Variants in UBE2E2 observed in about 807,000 individuals in gnomAD.
The protein encoded by UBE2E2 is ubiquitin-conjugating enzyme E2 E2.
UBE2E2 carries 6 observed loss-of-function variants against 24.7 expected under a neutral mutation model. That is an observed-to-expected ratio of 0.24 (90% CI 0.13 to 0.48). UBE2E2 has a LOEUF of 0.48. Ranked by LOEUF, UBE2E2 falls within the 20% of genes least tolerant of loss-of-function variation. The pLI is 0.99. For missense variants in UBE2E2, 169 were observed against 245.0 expected, an observed-to-expected ratio of 0.69 and a Z score of 2.07; for synonymous variants, 104 against 83.6, an observed-to-expected ratio of 1.24 and a Z score of -1.33.
chr3:23,443,027 A>G (rs1698341726), intron 3 of UBE2E2, among the ~76,000 whole-genome samples: 1 of 152,172 alleles, frequency 6.6e-6, no homozygotes, highest in South Asian at 2.1e-4. Flanking sequence ...CACAATAACA[A>G]CAGTACTTTC....
intron 3 of UBE2E2, among the ~76,000 whole-genome samples, chr3:23,466,584 T>A (rs2125430027): frequency 6.6e-6 from 1 of 152,242 alleles, no homozygotes; most frequent in East Asian, 1.9e-4. Flanking sequence ...TTTTTTGTTT[T>A]TGAGACAGAG....
chr3:23,399,598 AT>A (rs1376437828), intron 3 of UBE2E2, among the ~76,000 whole-genome samples: 1 of 152,174 alleles, frequency 6.6e-6, no homozygotes, highest in Non-Finnish European at 1.5e-5. Context: ...TATTTCTGGA[AT>A]TTTTCATTTA....
At position 23,506,638 on chromosome 3, in the gene UBE2E2, G is replaced by T. The variant is rs1423055100; in HGVS notation, c.360+6898G>T. On this transcript the variant is annotated intron_variant, in intron 4 of 5. Transcript: ENST00000396703. ...TGGTTCCACCCTTGTCCCTTCAACA[G>T]TACACCCCATATGCTGAAAGATTCC... Among the ~76,000 whole-genome samples, 3 of 152,166 alleles carry T rather than the reference G, an allele frequency of 2.0e-5. No homozygotes were observed. The South Asian group carries it at 6.2e-4, about 32-fold the overall frequency.
intron 4 of UBE2E2, among the ~76,000 whole-genome samples, chr3:23,500,287 G>A (rs974061700): frequency 7.2e-5 from 11 of 152,050 alleles, no homozygotes; most frequent in Non-Finnish European, 1.2e-4. Context: ...AAAAAATTTC[G>A]TAAAGTATTT....
chr3:23,281,568 T>A (rs1698491084), intron 3 of UBE2E2, among the ~76,000 whole-genome samples: 1 of 152,062 alleles, frequency 6.6e-6, no homozygotes, highest in African/African-American at 2.4e-5. Flanking sequence ...AGCCCAGGAG[T>A]TGTAGGCTGC....
intron 3 of UBE2E2, among the ~76,000 whole-genome samples, chr3:23,305,853 C>A (rs1699224014): frequency 6.6e-6 from 1 of 152,170 alleles, no homozygotes; most frequent in Non-Finnish European, 1.5e-5. Flanking sequence ...CCTTAGCTTC[C>A]CAAAGTGCTG....
chr3:23,252,452 A>G (rs1697600113), intron 3 of UBE2E2, among the ~76,000 whole-genome samples: 1 of 152,214 alleles, frequency 6.6e-6, no homozygotes, highest in African/African-American at 2.4e-5. Context: ...AACCTCAGAC[A>G]TTAAAATTGG....
At chr3:23,362,639 A>G (rs1475257930) in intron 3 of UBE2E2, among the ~76,000 whole-genome samples, 1 of 152,088 alleles carries the variant, frequency 6.6e-6, no homozygotes, top group African/African-American at 2.4e-5. Flanking sequence ...CACCCCTGCC[A>G]CAGGTAGCCA....
intron 3 of UBE2E2, among the ~76,000 whole-genome samples, chr3:23,232,430 C>G (rs547869616): frequency 1.3e-5 from 2 of 152,282 alleles, no homozygotes; most frequent in African/African-American, 4.8e-5. Flanking sequence ...TTGAGTTCAT[C>G]ATCTAATGGA....
chr3:23,457,150 G>T (rs560563514), intron 3 of UBE2E2, among the ~76,000 whole-genome samples: 11 of 152,186 alleles, frequency 7.2e-5, no homozygotes, highest in African/African-American at 2.7e-4. Context: ...CACCCGAGCA[G>T]TCCCTGATGA....
intron 3 of UBE2E2, among the ~76,000 whole-genome samples, chr3:23,297,527 T>C (rs892155024): frequency 1.1e-3 from 167 of 152,358 alleles, no homozygotes; most frequent in African/African-American, 3.9e-3. Context: ...TTTCTACCTA[T>C]GGGTAGCCAG....
At chr3:23,265,994 G>C (rs180788823) in intron 3 of UBE2E2, among the ~76,000 whole-genome samples, 2 of 152,176 alleles carry the variant, frequency 1.3e-5, no homozygotes, top group Admixed American at 6.5e-5. Flanking sequence ...TTTTCCATTT[G>C]CTTGGTAGAT....
At position 23,266,694 on chromosome 3, in the gene UBE2E2, C is replaced by G. The variant is rs949689140; in HGVS notation, c.227+49382C>G. On this transcript the variant is annotated intron_variant, in intron 3 of 5. Coordinates refer to ENST00000396703, the MANE Select transcript of UBE2E2 (RefSeq NM_152653.4). The stretch of plus-strand genomic sequence containing the variant: ...CCCAGGAATTGAACTCAGCTCCACA[C>G]CAAGCAGACGTAATAGACATCTACA... Among the ~76,000 whole-genome samples the G allele has an allele frequency of 2.0e-5, 3 of 152,210 alleles. No homozygotes were observed. The South Asian group carries it at 6.2e-4, about 32-fold the overall frequency.
intron 3 of UBE2E2, among the ~76,000 whole-genome samples, chr3:23,428,245 G>C (rs898838263): frequency 1.3e-5 from 2 of 152,146 alleles, no homozygotes; most frequent in Non-Finnish European, 2.9e-5. Context: ...GTAACAGAAA[G>C]ATAGCTGAAA....
At chr3:23,248,681 T>G (rs1407120290) in intron 3 of UBE2E2, among the ~76,000 whole-genome samples, 1 of 151,930 alleles carries the variant, frequency 6.6e-6, no homozygotes, top group Non-Finnish European at 1.5e-5. Flanking sequence ...CAGCCATTCC[T>G]TTTATTCTGA....
chr3:23,351,836 G>A (rs921714114), intron 3 of UBE2E2, among the ~76,000 whole-genome samples: 3 of 152,106 alleles, frequency 2.0e-5, no homozygotes, highest in Admixed American at 6.6e-5. Context: ...GAGACAGAAA[G>A]TTAACAAGGA....
chr3:23,341,445 A>C (rs1314882278), intron 3 of UBE2E2, among the ~76,000 whole-genome samples: 5 of 152,168 alleles, frequency 3.3e-5, no homozygotes, highest in Non-Finnish European at 5.9e-5. Flanking sequence ...TTTTGGACAT[A>C]TGAACTCTGG....
chr3:23,560,278 CGTT>C (rs1187859178), intron 5 of UBE2E2, among the ~76,000 whole-genome samples: 3 of 138,450 alleles, frequency 2.2e-5, no homozygotes, highest in Admixed American at 1.6e-4. Context: ...CATGTGTTCT[CGTT>C]GTTCAATTCC....
At position 23,583,142 on chromosome 3, in the gene UBE2E2, C is replaced by T. The variant is rs1378662889; in HGVS notation, c.509-6592C>T. Among the ~76,000 whole-genome samples, 1 of 152,144 alleles carries T rather than the reference C, an allele frequency of 6.6e-6. No individual in the cohort carries two copies. On this transcript the variant is annotated intron_variant, in intron 5 of 5. Transcript: ENST00000396703. The surrounding 1 kb of genome is among the most constrained non-coding windows in gnomAD (Gnocchi z 4.1). ...GAAGGGGTCCAATTTCAATCTTCTG[C>T]ATATGGCTAGCCAGTTAGCCCAGCA...
Sources: gnomAD v4.1 joint callset for allele counts (sites outside exome capture counted in the v4.1 genomes callset) on GRCh38, gnomAD v4.1.1 for gene constraint, Gnocchi (gnomAD v3.1) non-coding constraint, MANE v1.5 for transcripts, NCBI Gene and HGNC (gene_info 2026-07-23, HGNC 2026-07-21) for gene names.